SLC35A1: variants seen among roughly 807,000 people sequenced by gnomAD.
The protein encoded by SLC35A1 is CMP-sialic acid transporter.
In SLC35A1, 21 loss-of-function variants were observed where a neutral mutation model predicts 40.3. That is an observed-to-expected ratio of 0.52 (90% CI 0.37 to 0.75). SLC35A1 has a LOEUF of 0.75. Ranked by LOEUF, SLC35A1 falls within the 30% of genes least tolerant of loss-of-function variation. The pLI, the probability that SLC35A1 is intolerant of heterozygous loss-of-function variation, is 0.00. For missense variants in SLC35A1, 297 were observed against 382.1 expected (o/e 0.78, Z 1.86); for synonymous variants, 146 against 147.3 (o/e 0.99, Z 0.06).
chr6:87,503,685 T>C (rs566034647), intron 4 of SLC35A1, among the ~76,000 whole-genome samples: 2 of 152,156 alleles, frequency 1.3e-5, no homozygotes, highest in African/African-American at 4.8e-5. Flanking sequence ...GCACACCAGC[T>C]CGAGTGATAG....
chr6:87,492,948 C>T (rs1337142699), intron 2 of SLC35A1, among the ~76,000 whole-genome samples: 3 of 152,166 alleles, frequency 2.0e-5, no homozygotes, highest in African/African-American at 7.2e-5. Context: ...TGGAGAGATA[C>T]TTTGAGACGA....
At chr6:87,508,299 A>T (rs6924641) in intron 5 of SLC35A1, 121 bp from the exon 6 acceptor site, 2 of 669,280 alleles carry the variant, frequency 3.0e-6, no homozygotes, top group Admixed American at 5.5e-5. Context: ...CATTTAAGTA[A>T]AGTATGTTTT....
chr6:87,510,013 T>C (rs796824086), intron 7 of SLC35A1, among the ~76,000 whole-genome samples: 2 of 152,374 alleles, frequency 1.3e-5, no homozygotes, highest in African/African-American at 4.8e-5. Flanking sequence ...AATAGTGTTG[T>C]AGAAATTTTA....
chr6:87,486,407 T>C (rs1291127247), intron 2 of SLC35A1, among the ~76,000 whole-genome samples: 1 of 152,192 alleles, frequency 6.6e-6, no homozygotes, highest in African/African-American at 2.4e-5. Flanking sequence ...TAAGATATAA[T>C]GGGACAGTCA....
intron 1 of SLC35A1, among the ~76,000 whole-genome samples, chr6:87,475,986 G>A (rs572536660): frequency 5.9e-5 from 9 of 151,944 alleles, no homozygotes; most frequent in Non-Finnish European, 8.8e-5. Context: ...GGTGGGAGGT[G>A]GGTGAGGAAA....
chr6:87,500,580 G>C lies in SLC35A1; in HGVS notation c.267G>C (p.Leu89Phe). 2 of 1,614,074 alleles carry C rather than the reference G, an allele frequency of 1.2e-6. No individual in the cohort carries two copies. The highest frequency in any genetic ancestry group is 1.7e-6 in the Non-Finnish European group (2 of 1,179,986). ...TCTTGGGGAGCCCCAAGGAACTGTT[G>C]AAGTTAAGTGTGCCATCGTTAGTGT... ...ENVLGSPKEL[L>F]KLSVPSLVYA... Residue 89 changes from leucine to phenylalanine, a missense_variant, in exon 3 of 8, where the codon TTG becomes TTC. Coordinates refer to ENST00000369552, the MANE Select transcript of SLC35A1 (RefSeq NM_006416.5).
intron 2 of SLC35A1, among the ~76,000 whole-genome samples, chr6:87,477,742 G>A (rs976988348): frequency 2.0e-5 from 3 of 152,132 alleles, no homozygotes; most frequent in Non-Finnish European, 4.4e-5. Flanking sequence ...GACCAAGGAT[G>A]CTGCTAAACA....
At chr6:87,508,638 T>C in intron 6 of SLC35A1, 42 bp downstream of exon 6, 1 of 1,516,176 alleles carries the variant, frequency 6.6e-7, no homozygotes, top group South Asian at 1.1e-5. Flanking sequence ...GATCCTTTAT[T>C]TTTTTTTTAA....
At chr6:87,502,840 A>G (rs1769962015) in intron 4 of SLC35A1, among the ~76,000 whole-genome samples, 1 of 152,182 alleles carries the variant, frequency 6.6e-6, no homozygotes, top group South Asian at 2.1e-4. Context: ...CTGCACTGCC[A>G]TGCACTCCTC....
intron 2 of SLC35A1, among the ~76,000 whole-genome samples, chr6:87,495,290 T>C (rs1769689673): frequency 6.6e-6 from 1 of 152,214 alleles, no homozygotes; most frequent in Admixed American, 6.5e-5. Context: ...CTATTCACCA[T>C]AGTTTATAAA....
intron 2 of SLC35A1, among the ~76,000 whole-genome samples, chr6:87,495,282 A>C (rs902007159): frequency 6.6e-6 from 1 of 152,200 alleles, no homozygotes; most frequent in Non-Finnish European, 1.5e-5. Context: ...ATTGTTTGCT[A>C]TTCACCATAG....
intron 3 of SLC35A1, 79 bp downstream of exon 3, chr6:87,500,746 TC>T: frequency 8.0e-6 from 11 of 1,375,136 alleles, no homozygotes; most frequent in South Asian, 2.6e-5. Flanking sequence ...TATCATATTA[TC>T]AATTTTTTTT....
chr6:87,509,673 C>A (rs1770193908), intron 7 of SLC35A1, among the ~76,000 whole-genome samples: 1 of 152,124 alleles, frequency 6.6e-6, no homozygotes, highest in African/African-American at 2.4e-5. Flanking sequence ...CAATCAAAAT[C>A]TAGATTTTGT....
chr6:87,497,489 T>A (rs1416829618), intron 2 of SLC35A1, among the ~76,000 whole-genome samples: 1 of 152,194 alleles, frequency 6.6e-6, no homozygotes, highest in Non-Finnish European at 1.5e-5. Context: ...TCAGATTGGC[T>A]GCTAATTTGT....
Position 87,473,023 on chromosome 6 carries a change from A to C in SLC35A1, c.16+4A>C. The C allele has an allele frequency of 1.5e-6, 1 of 655,880 alleles. No homozygotes were observed. The highest frequency in any genetic ancestry group is 2.3e-6 in the Non-Finnish European group (1 of 427,590). The allele number at this position is 655,880 out of a possible 1,614,324, so 40.6% of individuals were successfully genotyped here. On this transcript the variant is annotated splice_donor_region_variant and intron_variant, in intron 1 of 7. Coordinates refer to ENST00000369552, the MANE Select transcript of SLC35A1 (RefSeq NM_006416.5). ...GGAACCATGGCTGCCCCGAGAGGTGAGAACTGGGTCTGCTGGGAGTGGGGA... is the reference window on the plus strand; with the variant it reads ...GGAACCATGGCTGCCCCGAGAGGTGCGAACTGGGTCTGCTGGGAGTGGGGA...
chr6:87,473,430 C>G (rs537301555), intron 1 of SLC35A1, among the ~76,000 whole-genome samples: 1 of 152,300 alleles, frequency 6.6e-6, no homozygotes, highest in South Asian at 2.1e-4. Flanking sequence ...CGCCTCCTAC[C>G]CTGTGGATGC....
chr6:87,479,103 GTTAAAT>G (rs924388246), intron 2 of SLC35A1, among the ~76,000 whole-genome samples: 3 of 152,210 alleles, frequency 2.0e-5, no homozygotes, highest in Non-Finnish European at 2.9e-5. Flanking sequence ...TTACGAGGAA[GTTAAAT>G]TTAAAAGTAG....
chr6:87,494,973 C>T (rs1769675417), intron 2 of SLC35A1, among the ~76,000 whole-genome samples: 1 of 151,412 alleles, frequency 6.6e-6, no homozygotes. Context: ...GGAACAAAGT[C>T]AACTTTTTTT....
chr6:87,507,800 C>T (rs190093734), intron 5 of SLC35A1, among the ~76,000 whole-genome samples: 2 of 116,618 alleles, frequency 1.7e-5, no homozygotes, highest in East Asian at 4.2e-4. Flanking sequence ...AATCTATGGA[C>T]CTTCAACTCC....
Sources: gnomAD v4.1 joint callset for allele counts (sites outside exome capture counted in the v4.1 genomes callset) on GRCh38, gnomAD v4.1.1 for gene constraint, MANE v1.5 for transcripts, NCBI Gene and HGNC (gene_info 2026-07-23, HGNC 2026-07-21) for gene names.